The following LAMA1 variants were observed in gnomAD, a reference collection of about 807,000 sequenced individuals.
The protein encoded by LAMA1 is laminin subunit alpha-1.
Under a neutral mutation model 348.7 loss-of-function variants are expected in LAMA1, and 219 were observed. That is an observed-to-expected ratio of 0.63 (90% CI 0.56 to 0.70). The LOEUF is 0.70. Among genes scored for constraint, LAMA1 ranks in the 30% least tolerant of loss-of-function variants. LAMA1 has a pLI of 0.00. For missense variants in LAMA1, 3,744 were observed against 3,888.0 expected (o/e 0.96, Z 0.99); for synonymous variants, 1,487 against 1,491.0 (o/e 1.00, Z 0.06).
chr18:7,063,541 A>G (rs939018623), intron 3 of LAMA1, among the ~76,000 whole-genome samples: 1 of 152,166 alleles, frequency 6.6e-6, no homozygotes, highest in Non-Finnish European at 1.5e-5. Flanking sequence ...TCGAATACAC[A>G]TGTACACCAA....
intron 33 of LAMA1, among the ~76,000 whole-genome samples, chr18:6,996,819 A>G (rs990789035): frequency 2.0e-5 from 3 of 151,918 alleles, no homozygotes; most frequent in African/African-American, 4.8e-5. Flanking sequence ...ATAAAAATAA[A>G]TAAGTGCTAT....
rs2057665525 is a variant in LAMA1, at chr18:6,973,073, AGACCTCCAACAAACAT to A, written c.6742_6757del (p.Met2248LeufsTer11). 6.2e-7 allele frequency: 1 copy of A among 1,614,072 alleles called. No individual in the cohort carries two copies. Among genetic ancestry groups the A allele is most frequent in the Non-Finnish European group, 8.5e-7 (1 of 1,179,990 alleles). ...TAATGTTACCTTGATTTGTCCTCCA[AGACCTCCAACAAACAT>A]GAGTGTTGAATTGTTTACATCCAGA... On this transcript the variant is annotated frameshift_variant, in exon 47 of 63. Transcript: ENST00000389658. LOFTEE classifies it high-confidence loss of function.
chr18:6,998,279 C>T (rs574068496), intron 32 of LAMA1, among the ~76,000 whole-genome samples: 44 of 152,028 alleles, frequency 2.9e-4, no homozygotes, highest in African/African-American at 8.2e-4. Flanking sequence ...CACACGCTGA[C>T]GAAAAGAACT....
At chr18:6,996,997 C>A (rs1208539020) in intron 33 of LAMA1, among the ~76,000 whole-genome samples, 1 of 152,118 alleles carries the variant, frequency 6.6e-6, no homozygotes, top group Admixed American at 6.5e-5. Flanking sequence ...GAATAATACA[C>A]TTTAAAAATA....
Position 7,033,095 on chromosome 18 carries a change from C to A in LAMA1, c.2052G>T (p.Arg684Ser), listed in dbSNP as rs1218902090. Residue 684 changes from arginine (R) to serine (S), a missense_variant and splice_region_variant, in exon 15 of 63, where the codon AGG (arginine) becomes AGT (serine). Around this residue, in one of 3 missense-constraint regions of LAMA1, gnomAD observed 1,529 missense variants for 1,689.4 expected, o/e 0.91. Coordinates refer to ENST00000389658, the MANE Select transcript of LAMA1 (RefSeq NM_005559.4). ...NYNSAKMALY[R>S]LESVSLDIAS... ...CTATGTCCAGAGAGACGGACTCCAA[C>A]CTACAAATAGACAGATTGTTATGTG... The A allele has an allele frequency of 6.3e-7, 1 of 1,599,588 alleles. No individual in the cohort carries two copies. The highest frequency in any genetic ancestry group is 2.2e-5 in the East Asian group (1 of 44,592).
Position 7,017,400 on chromosome 18 carries a change from C to A in LAMA1, c.2702-16G>T. On this transcript the variant is annotated splice_polypyrimidine_tract_variant and intron_variant, in intron 19 of 62. Coordinates refer to ENST00000389658, the MANE Select transcript of LAMA1 (RefSeq NM_005559.4). ...CATTCACAGGCTAAACACATGCACA[C>A]AAAGACATATTAACCCTCACTTCTG... is the stretch of plus-strand genomic sequence containing the variant. 1 of 1,572,308 alleles carries A rather than the reference C, an allele frequency of 6.4e-7. No homozygotes were observed.
At chr18:7,026,450 G>A (rs761251584) in intron 16 of LAMA1, among the ~76,000 whole-genome samples, 2 of 152,132 alleles carry the variant, frequency 1.3e-5, no homozygotes, top group Non-Finnish European at 2.9e-5. Flanking sequence ...GGATATGCAC[G>A]TGGTCTCACA....
intron 20 of LAMA1, 102 bp downstream of exon 20, chr18:7,017,176 T>C (rs1450838503): frequency 6.7e-6 from 6 of 895,638 alleles, no homozygotes; most frequent in African/African-American, 1.7e-5. Flanking sequence ...TATAGCAGTG[T>C]GAGAACAAAC....
At chr18:7,076,130 G>A (rs1417887432) in intron 3 of LAMA1, among the ~76,000 whole-genome samples, 1 of 152,104 alleles carries the variant, frequency 6.6e-6, no homozygotes, top group Non-Finnish European at 1.5e-5. Context: ...GAAAACAACT[G>A]GTAGTTGGCT....
chr18:6,977,918 T>C lies in LAMA1; in HGVS notation c.6191-37A>G, dbSNP rs114291964. On this transcript the variant is annotated intron_variant, in intron 43 of 62. Transcript: ENST00000389658. ...AAGAAGGCAAGGGGTGGCAAGAAAG[T>C]TGGGGAGAGGGAAAAACAAGATAAT... is the stretch of plus-strand genomic sequence containing the variant. 6.3e-5 allele frequency: 101 copies of C among 1,603,832 alleles called. No individual in the cohort carries two copies. The African/African-American group carries it at 1.1e-3, about 17-fold the overall frequency.
rs1235882705 is a variant in LAMA1 at position 7,026,016 on chromosome 18, G to A, written c.2365C>T (p.Gln789Ter). The stretch of plus-strand genomic sequence containing the variant: ...ATGGTGAGAGGGCAGGCGCAGGGCT[G>A]GCAGTCCCCAGGTGTCCCTCGGGAA... ...EPSRGTPGDCQPCACPLTIAS... is the reference protein window; with the variant it reads ...EPSRGTPGDC The change falls in exon 17 of 63, where the codon CAG becomes TAG. Residue 789 changes from glutamine (Q) to a stop codon, truncating the protein, a stop_gained. Coordinates refer to ENST00000389658, the MANE Select transcript of LAMA1 (RefSeq NM_005559.4). LOFTEE classifies it high-confidence loss of function. 6.2e-7 allele frequency: 1 copy of A among 1,609,710 alleles called. No homozygotes were observed. Among genetic ancestry groups the A allele is most frequent in the Admixed American group, 1.7e-5 (1 of 59,482 alleles).
At chr18:7,037,900 TC>T (rs2058002726) in intron 11 of LAMA1, 149 bp from the exon 12 acceptor site, 1 of 784,394 alleles carries the variant, frequency 1.3e-6, no homozygotes, top group South Asian at 1.5e-5. Flanking sequence ...CTGCTGAACC[TC>T]ATGACCCTTG....
chr18:6,948,807 T>C (rs1248582828), intron 59 of LAMA1, among the ~76,000 whole-genome samples: 1 of 152,204 alleles, frequency 6.6e-6, no homozygotes, highest in African/African-American at 2.4e-5. Flanking sequence ...AATCAAAAAA[T>C]GCTGAGTTTA....
intron 1 of LAMA1, among the ~76,000 whole-genome samples, chr18:7,088,530 T>G (rs1291418086): frequency 6.6e-6 from 1 of 151,924 alleles, no homozygotes; most frequent in Non-Finnish European, 1.5e-5. Context: ...ATTATTTTAT[T>G]TTTTGGAGAT....
At chr18:7,083,934 C>T (rs932603097) in intron 1 of LAMA1, among the ~76,000 whole-genome samples, 3 of 151,822 alleles carry the variant, frequency 2.0e-5, no homozygotes, top group Non-Finnish European at 4.4e-5. Flanking sequence ...ATTAGTGGGG[C>T]ATGGTGGCAC....
In LAMA1 at chr18:6,997,833, C is replaced by A; in HGVS notation, c.4715G>T (p.Gly1572Val). The A allele has an allele frequency of 6.2e-7, 1 of 1,614,172 alleles. No individual in the cohort carries two copies. The highest frequency in any genetic ancestry group is 8.5e-7 in the Non-Finnish European group (1 of 1,179,996). The stretch of plus-strand genomic sequence containing the variant: ...GAGGTTCAGAGAAAGAACGGCATCA[C>A]CAATCTCATCCAAGTCATTCAGCAG... ...GVLLNDLDEI[G>V]DAVLSLNLTG... Residue 1572 changes from glycine to valine, a missense_variant, in exon 33 of 63, where the codon GGT becomes GTT. Physicochemically the swap from Gly to Val is moderately radical, Grantham distance 109. Around this residue, in one of 3 missense-constraint regions of LAMA1, gnomAD observed 1,983 missense variants for 1,934.3 expected, o/e 1.03. Coordinates refer to ENST00000389658, the MANE Select transcript of LAMA1 (RefSeq NM_005559.4).
chr18:6,997,790 G>C lies in LAMA1; in HGVS notation c.4758C>G (p.Val1586=). The C allele has an allele frequency of 6.2e-7, 1 of 1,613,932 alleles. No homozygotes were observed. The highest frequency in any genetic ancestry group is 8.5e-7 in the Non-Finnish European group (1 of 1,179,854). ...LSLNLTGIIP[V]PYGILSNLEN... is the part of the protein sequence containing the mutation. ...CCAGGTTTGACAAAATTCCATATGG[G>C]ACAGGGATAATGCCAGTGAGGTTCA... The change falls in exon 33 of 63, where the codon GTC becomes GTG. Residue 1586 remains valine, a synonymous_variant. Coordinates refer to ENST00000389658, the MANE Select transcript of LAMA1 (RefSeq NM_005559.4).
Position 6,956,484 on chromosome 18 carries a change from G to A in LAMA1, c.8094+152C>T, listed in dbSNP as rs772384303. 4.4e-5 allele frequency: 58 copies of A among 1,315,490 alleles called. 1 individual carries two copies. The highest frequency in any genetic ancestry group is 3.9e-4 in the African/African-American group (27 of 69,474). The allele number at this position is 1,315,490 out of a possible 1,614,324, so 81.5% of individuals were successfully genotyped here. ...TGCTTGAGGCACCCTTTCCCTCCCT[G>A]TCCCCGCTCTGATTTTTAGCACAGC... On this transcript the variant is annotated intron_variant, in intron 56 of 62. Coordinates refer to ENST00000389658, the MANE Select transcript of LAMA1 (RefSeq NM_005559.4).
At chr18:7,055,917 T>TA (rs373268602) in intron 3 of LAMA1, among the ~76,000 whole-genome samples, 4,002 of 151,732 alleles carry the variant, frequency 0.026, 168 homozygotes, top group African/African-American at 0.089. Flanking sequence ...CCGTCTCCAC[T>TA]AAAATACAAA....
Sources: allele counts gnomAD v4.1 joint callset (sites outside exome capture counted in the v4.1 genomes callset), GRCh38; gene constraint gnomAD v4.1.1; regional missense constraint gnomAD v4.1.1; transcripts MANE v1.5; gene names NCBI Gene and HGNC (gene_info 2026-07-23, HGNC 2026-07-21).